PDS5B: variants seen among roughly 807,000 people sequenced by gnomAD.
PDS5B encodes PDS5 cohesin associated factor B, also known as sister chromatid cohesion protein PDS5 homolog B.
PDS5B carries 51 observed loss-of-function variants against 184.1 expected under a neutral mutation model. The observed-to-expected ratio is 0.28, with a 90% CI of 0.22 to 0.35. PDS5B has a LOEUF of 0.35. Ranked by LOEUF, PDS5B falls within the 10% of genes least tolerant of loss-of-function variation. PDS5B has a pLI of 1.00. For synonymous variants in PDS5B, 566 were observed against 569.2 expected (o/e 0.99, Z 0.08); for missense variants, 1,180 against 1,723.3 (o/e 0.68, Z 5.58).
chr13:32,752,224 GTTATAC>G (rs1431705730), intron 24 of PDS5B, among the ~76,000 whole-genome samples: 3 of 152,072 alleles, frequency 2.0e-5, no homozygotes, highest in African/African-American at 7.2e-5. Flanking sequence ...ATAGTATATT[GTTATAC>G]TTGTTCTATC....
At chr13:32,713,329 T>A (rs1335668791) in intron 19 of PDS5B, among the ~76,000 whole-genome samples, 3 of 152,180 alleles carry the variant, frequency 2.0e-5, no homozygotes, top group Non-Finnish European at 2.9e-5. Flanking sequence ...TATTCAAAGA[T>A]GAATTAACAG....
At chr13:32,682,364 T>C (rs192434884) in intron 10 of PDS5B, among the ~76,000 whole-genome samples, 15 of 152,308 alleles carry the variant, frequency 9.8e-5, no homozygotes, top group Non-Finnish European at 1.9e-4. Flanking sequence ...GAATTTCATA[T>C]ATGTTGAATC....
chr13:32,681,543 G>A (rs951591917), intron 10 of PDS5B, among the ~76,000 whole-genome samples: 3 of 151,862 alleles, frequency 2.0e-5, no homozygotes, highest in Admixed American at 6.5e-5. Context: ...AGAATTGCTT[G>A]AACCTGGGAG....
intron 23 of PDS5B, 100 bp downstream of exon 23, chr13:32,742,827 T>C (rs1953606910): frequency 9.3e-7 from 1 of 1,077,602 alleles, no homozygotes; most frequent in Non-Finnish European, 1.4e-6. Context: ...TTTTTTAAAT[T>C]AGAATTGCTT....
intron 1 of PDS5B, among the ~76,000 whole-genome samples, chr13:32,629,695 A>C (rs1326157233): frequency 1.3e-5 from 2 of 152,162 alleles, no homozygotes; most frequent in Non-Finnish European, 2.9e-5. Context: ...CAGGGCTTTT[A>C]TAGTTTATTT....
At chr13:32,653,110 A>G (rs1450690561) in intron 3 of PDS5B, among the ~76,000 whole-genome samples, 3 of 152,186 alleles carry the variant, frequency 2.0e-5, no homozygotes, top group Non-Finnish European at 4.4e-5. Flanking sequence ...CCTGGCCAAC[A>G]TGGTGAAACT....
intron 30 of PDS5B, chr13:32,763,409 G>T (rs1055178513): frequency 6.6e-6 from 1 of 152,498 alleles, no homozygotes; most frequent in African/African-American, 2.4e-5. Flanking sequence ...GGAAGAAGAT[G>T]GTAAATAGTC....
chr13:32,712,973 T>C (rs963569835), intron 19 of PDS5B, among the ~76,000 whole-genome samples: 1 of 152,234 alleles, frequency 6.6e-6, no homozygotes, highest in Non-Finnish European at 1.5e-5. Context: ...ATGAGTTATA[T>C]GAGTTCCATT....
At chr13:32,625,111 CTCAT>C (rs1481949650) in intron 1 of PDS5B, among the ~76,000 whole-genome samples, 1 of 152,142 alleles carries the variant, frequency 6.6e-6, no homozygotes, top group Non-Finnish European at 1.5e-5. Flanking sequence ...CATTCATTCG[CTCAT>C]TCATTTATTC....
intron 1 of PDS5B, among the ~76,000 whole-genome samples, chr13:32,648,318 A>G (rs1184380115): frequency 6.6e-6 from 1 of 152,192 alleles, no homozygotes; most frequent in East Asian, 1.9e-4. Flanking sequence ...AAGACCATCA[A>G]AACTGAATCC....
intron 1 of PDS5B, among the ~76,000 whole-genome samples, chr13:32,640,951 G>A (rs1253469837): frequency 6.6e-6 from 1 of 151,774 alleles, no homozygotes; most frequent in East Asian, 1.9e-4. Context: ...CAGCTACTCG[G>A]GAGGCTGAGG....
intron 31 of PDS5B, 52 bp from the exon 32 acceptor site, chr13:32,770,069 A>G (rs1954724681): frequency 1.3e-6 from 2 of 1,501,750 alleles, no homozygotes; most frequent in African/African-American, 1.4e-5. Flanking sequence ...TCCTCAAAAT[A>G]TGTATACTCA....
At chr13:32,729,520 A>G (rs1163950488) in intron 19 of PDS5B, among the ~76,000 whole-genome samples, 1 of 152,198 alleles carries the variant, frequency 6.6e-6, no homozygotes, top group Non-Finnish European at 1.5e-5. Flanking sequence ...AGGAATCGCG[A>G]CACTGTCTTC....
At chr13:32,588,862 A>G (rs2057730898) in intron 1 of PDS5B, among the ~76,000 whole-genome samples, 2 of 152,258 alleles carry the variant, frequency 1.3e-5, no homozygotes, top group South Asian at 4.1e-4. Context: ...GGCCTAAGAT[A>G]AAGTGATACT....
At chr13:32,598,429 C>T (rs1443662797) in intron 1 of PDS5B, among the ~76,000 whole-genome samples, 1 of 152,034 alleles carries the variant, frequency 6.6e-6, no homozygotes, top group Non-Finnish European at 1.5e-5. Context: ...TACCCTCTCT[C>T]CTTTTTGGTA....
At chr13:32,722,355 G>A (rs895784533) in intron 19 of PDS5B, among the ~76,000 whole-genome samples, 8 of 152,246 alleles carry the variant, frequency 5.3e-5, no homozygotes, top group African/African-American at 1.7e-4. Context: ...GCGGGAGATG[G>A]AGACGATGGA....
intron 1 of PDS5B, among the ~76,000 whole-genome samples, chr13:32,615,728 C>G (rs1030352869): frequency 4.6e-5 from 7 of 152,100 alleles, no homozygotes; most frequent in African/African-American, 1.4e-4. Flanking sequence ...GAGCTCTGGA[C>G]ATGTTGCTTC....
intron 19 of PDS5B, among the ~76,000 whole-genome samples, chr13:32,719,327 C>T (rs1952587418): frequency 6.6e-6 from 1 of 152,056 alleles, no homozygotes; most frequent in South Asian, 2.1e-4. Flanking sequence ...TGTCTACAGG[C>T]ATATGCCACC....
chr13:32,736,744 C>T (rs1216962117), intron 21 of PDS5B, among the ~76,000 whole-genome samples: 1 of 152,052 alleles, frequency 6.6e-6, no homozygotes, highest in African/African-American at 2.4e-5. Flanking sequence ...TCTATTAACA[C>T]ACTTTAAACG....
Sources: gnomAD v4.1 joint callset for allele counts (sites outside exome capture counted in the v4.1 genomes callset) on GRCh38, gnomAD v4.1.1 for gene constraint, MANE v1.5 for transcripts, NCBI Gene and HGNC (gene_info 2026-07-23, HGNC 2026-07-21) for gene names.